CEP83: variants seen among roughly 807,000 people sequenced by gnomAD.
The protein encoded by CEP83 is centrosomal protein 83, also known as centrosomal protein of 83 kDa.
A neutral mutation model predicts 101.9 loss-of-function variants in CEP83; 70 were observed. That is an observed-to-expected ratio of 0.69 (90% CI 0.57 to 0.84). The LOEUF (loss-of-function observed/expected upper bound fraction) is 0.84, where lower values mean the gene tolerates loss of function less well. Ranked by LOEUF, CEP83 falls within the 40% of genes least tolerant of loss-of-function variation. The pLI, the probability that CEP83 is intolerant of heterozygous loss-of-function variation, is 0.00. For missense variants in CEP83, 715 were observed against 787.2 expected, an observed-to-expected ratio of 0.91 and a Z score of 1.10; for synonymous variants, 264 against 267.9, an observed-to-expected ratio of 0.99 and a Z score of 0.14.
chr12:94,430,989 G>T (rs1256705586), intron 2 of CEP83, among the ~76,000 whole-genome samples: 1 of 152,152 alleles, frequency 6.6e-6, no homozygotes, highest in Non-Finnish European at 1.5e-5. Context: ...GTTAAAACAG[G>T]CTTTAAGTCA....
chr12:94,315,033 G>C (rs1045161350), intron 14 of CEP83, among the ~76,000 whole-genome samples: 3 of 152,058 alleles, frequency 2.0e-5, no homozygotes, highest in Non-Finnish European at 2.9e-5. Flanking sequence ...TTTCCAGTCT[G>C]GGGATATCAT....
At chr12:94,381,096 T>C (rs934342872) in intron 6 of CEP83, among the ~76,000 whole-genome samples, 12 of 152,190 alleles carry the variant, frequency 7.9e-5, no homozygotes, top group Non-Finnish European at 1.5e-4. Context: ...GTAGTAAGGA[T>C]ACAACCCAGC....
At chr12:94,267,223 A>C in the CEP83 span, among the ~76,000 whole-genome samples, 4 of 152,226 alleles carry the variant, frequency 2.6e-5, no homozygotes, top group Admixed American at 6.5e-5. Context: ...CACCGGACCC[A>C]AACAGGAAAG....
chr12:94,349,331 T>C (rs2060099029), intron 11 of CEP83, among the ~76,000 whole-genome samples: 1 of 150,808 alleles, frequency 6.6e-6, no homozygotes, highest in African/African-American at 2.4e-5. Context: ...TCCCGAAGCA[T>C]GGATTTTTAT....
chr12:94,274,337 AAAAG>A, the CEP83 span, among the ~76,000 whole-genome samples: 1 of 152,066 alleles, frequency 6.6e-6, no homozygotes, highest in Non-Finnish European at 1.5e-5. Flanking sequence ...TGTCTATTAA[AAAAG>A]AAAGAAAGAA....
chr12:94,402,124 A>T (rs544548926), intron 5 of CEP83: 6 of 152,332 alleles, frequency 3.9e-5, no homozygotes, highest in Admixed American at 3.3e-4. Context: ...GCATTTAGTC[A>T]TATTATATCA....
intron 11 of CEP83, among the ~76,000 whole-genome samples, chr12:94,355,196 T>G (rs933056260): frequency 6.6e-6 from 1 of 151,888 alleles, no homozygotes; most frequent in Non-Finnish European, 1.5e-5. Flanking sequence ...CCCAGGGAAC[T>G]AGAAAAACAA....
chr12:94,319,031 T>A (rs1419374282), intron 14 of CEP83, among the ~76,000 whole-genome samples: 1 of 152,186 alleles, frequency 6.6e-6, no homozygotes, highest in Non-Finnish European at 1.5e-5. Context: ...TGTGAATCCA[T>A]CTGGCCCTGG....
intron 11 of CEP83, among the ~76,000 whole-genome samples, chr12:94,339,412 C>T (rs2059586942): frequency 6.6e-6 from 1 of 152,062 alleles, no homozygotes; most frequent in Non-Finnish European, 1.5e-5. Flanking sequence ...CTGTGCCTTC[C>T]AATATGATAG....
chr12:94,314,831 T>C (rs972065468), intron 14 of CEP83, among the ~76,000 whole-genome samples: 12 of 152,242 alleles, frequency 7.9e-5, no homozygotes, highest in Non-Finnish European at 1.5e-4. Flanking sequence ...TGTCTATCCA[T>C]CCACCCATTC....
chr12:94,435,456 C>G (rs2065917346), intron 1 of CEP83, 129 bp from the exon 2 acceptor site: 1 of 152,198 alleles, frequency 6.6e-6, no homozygotes, highest in South Asian at 2.1e-4. Flanking sequence ...CACAAAAAAA[C>G]AGAGAGACAG....
At chr12:94,375,129 A>AG (rs2061469423) in intron 8 of CEP83, among the ~76,000 whole-genome samples, 1 of 152,184 alleles carries the variant, frequency 6.6e-6, no homozygotes, top group Admixed American at 6.5e-5. Context: ...CATTGGGTTG[A>AG]GGGGAAGGTG....
At chr12:94,350,031 T>C (rs2060130218) in intron 11 of CEP83, among the ~76,000 whole-genome samples, 1 of 152,180 alleles carries the variant, frequency 6.6e-6, no homozygotes, top group Non-Finnish European at 1.5e-5. Context: ...CCCATGTTCA[T>C]AAATTGAAAG....
intron 2 of CEP83, among the ~76,000 whole-genome samples, chr12:94,415,393 AAG>A (rs2064191171): frequency 6.6e-6 from 1 of 152,124 alleles, no homozygotes; most frequent in Non-Finnish European, 1.5e-5. Flanking sequence ...AATCTTATGA[AAG>A]AAATTTTATT....
At chr12:94,380,502 C>G (rs2137202084) in intron 6 of CEP83, among the ~76,000 whole-genome samples, 1 of 152,274 alleles carries the variant, frequency 6.6e-6, no homozygotes, top group East Asian at 1.9e-4. Context: ...ACTATTACTT[C>G]CTGGTTTGGT....
chr12:94,441,641 C>T (rs1185748889), intron 1 of CEP83, among the ~76,000 whole-genome samples: 3 of 152,134 alleles, frequency 2.0e-5, no homozygotes, highest in Non-Finnish European at 4.4e-5. Flanking sequence ...GTAGGCTGGG[C>T]GTTGTGGCTC....
intron 1 of CEP83, among the ~76,000 whole-genome samples, chr12:94,454,170 T>C (rs1263181063): frequency 6.6e-6 from 1 of 151,828 alleles, no homozygotes; most frequent in Non-Finnish European, 1.5e-5. Flanking sequence ...GCTCTAGAAG[T>C]AATACAAAAA....
Position 94,333,584 on chromosome 12 carries a change from A to G in CEP83, c.1475T>C (p.Leu492Ser), listed in dbSNP as rs2059329200. ...VTSLAQSEND[L>S]LNSNQMLKEM... ...CTTCAGCATTTGGTTTGAATTCAGC[A>G]AGTCATTCTCTGACTGTGCAAGTGA... The change falls in exon 13 of 17, where the codon TTG (leucine) becomes TCG (serine). Residue 492 changes from leucine (L) to serine (S), a missense_variant. Leu to Ser is a moderately radical substitution (Grantham distance 145, BLOSUM62 -2). Coordinates refer to ENST00000397809, the MANE Select transcript of CEP83 (RefSeq NM_016122.3). 1 of 1,613,772 alleles carries G rather than the reference A, an allele frequency of 6.2e-7. No individual in the cohort carries two copies. Among genetic ancestry groups the G allele is most frequent in the Non-Finnish European group, 8.5e-7 (1 of 1,179,766 alleles).
intron 1 of CEP83, among the ~76,000 whole-genome samples, chr12:94,453,996 C>T (rs552539851): frequency 1.3e-4 from 19 of 151,748 alleles, no homozygotes; most frequent in African/African-American, 4.1e-4. Flanking sequence ...ACTTGGGAGG[C>T]TAAGGCAGGA....
Sources: allele counts gnomAD v4.1 joint callset (sites outside exome capture counted in the v4.1 genomes callset), GRCh38; gene constraint gnomAD v4.1.1; transcripts MANE v1.5; gene names NCBI Gene and HGNC (gene_info 2026-07-23, HGNC 2026-07-21).